ADD3: variants seen among roughly 807,000 people sequenced by gnomAD.
ADD3 encodes the protein gamma-adducin.
A neutral mutation model predicts 80.2 loss-of-function variants in ADD3; 25 were observed. That is an observed-to-expected ratio of 0.31 (90% confidence interval 0.23 to 0.44). ADD3 has a LOEUF of 0.44. Ranked by LOEUF, ADD3 falls within the 20% of genes least tolerant of loss-of-function variation. The pLI is 1.00. For synonymous variants in ADD3, 284 were observed against 289.6 expected (o/e 0.98, Z 0.20); for missense variants, 829 against 847.5 (o/e 0.98, Z 0.27).
chr10:110,010,735 C>A (rs1212718686), intron 1 of ADD3, among the ~76,000 whole-genome samples: 1 of 152,184 alleles, frequency 6.6e-6, no homozygotes, highest in East Asian at 1.9e-4. Flanking sequence ...GGTTAAGTAT[C>A]TTCCCAAGGT....
intron 1 of ADD3, among the ~76,000 whole-genome samples, chr10:110,079,741 A>G (rs1051831599): frequency 1.1e-4 from 16 of 152,018 alleles, no homozygotes; most frequent in African/African-American, 3.4e-4. Context: ...GGGTTTCACC[A>G]TGTTGGCCGG....
At chr10:110,101,657 C>G (rs1355132811) in intron 2 of ADD3, among the ~76,000 whole-genome samples, 2 of 148,324 alleles carry the variant, frequency 1.3e-5, no homozygotes, top group African/African-American at 5.0e-5. Context: ...AAAAAAAATT[C>G]AACTCAAGTG....
intron 1 of ADD3, among the ~76,000 whole-genome samples, chr10:110,095,575 C>T (rs569431579): frequency 2.2e-4 from 34 of 152,292 alleles, no homozygotes; most frequent in African/African-American, 7.7e-4. Flanking sequence ...TAATATTCCA[C>T]TTTCTGGATT....
intron 1 of ADD3, among the ~76,000 whole-genome samples, chr10:110,042,466 G>A (rs1304505176): frequency 6.6e-6 from 1 of 151,960 alleles, no homozygotes; most frequent in African/African-American, 2.4e-5. Flanking sequence ...GTCTGGAAGT[G>A]TATGTTCAGT....
At chr10:110,040,954 GTCTCTCTCTGTC>G (rs372761618) in intron 1 of ADD3, among the ~76,000 whole-genome samples, 454 of 29,618 alleles carry the variant, frequency 0.015, 2 homozygotes, top group African/African-American at 0.026. Flanking sequence ...CGCTCTCTCT[GTCTCTCTCTGTC>G]TCTCTCTCTC....
intron 1 of ADD3, among the ~76,000 whole-genome samples, chr10:110,056,743 G>T (rs1429035214): frequency 6.6e-6 from 1 of 152,166 alleles, no homozygotes; most frequent in Non-Finnish European, 1.5e-5. Flanking sequence ...TATTGAATTT[G>T]AAACAATTGG....
chr10:110,076,406 T>C (rs192041825), intron 1 of ADD3, among the ~76,000 whole-genome samples: 250 of 152,314 alleles, frequency 1.6e-3, no homozygotes, highest in African/African-American at 5.3e-3. Context: ...TAAAGTATGG[T>C]ATGCATAATA....
chr10:110,039,149 C>T (rs968486468), intron 1 of ADD3, among the ~76,000 whole-genome samples: 2 of 152,140 alleles, frequency 1.3e-5, no homozygotes, highest in African/African-American at 4.8e-5. Context: ...TCTCCCTTAC[C>T]TTGCACATTG....
At chr10:110,083,498 A>T (rs1010829053) in intron 1 of ADD3, among the ~76,000 whole-genome samples, 2 of 151,864 alleles carry the variant, frequency 1.3e-5, no homozygotes, top group Non-Finnish European at 2.9e-5. Flanking sequence ...CCTGGGTGAC[A>T]GAGCAAGACT....
intron 1 of ADD3, among the ~76,000 whole-genome samples, chr10:110,037,792 C>T (rs1034820734): frequency 2.0e-5 from 3 of 151,514 alleles, no homozygotes; most frequent in African/African-American, 7.3e-5. Context: ...ACAGGCTGGG[C>T]GCTGTGGCTC....
intron 1 of ADD3, among the ~76,000 whole-genome samples, chr10:110,046,906 C>CTT (rs34491250): frequency 7.9e-5 from 12 of 151,544 alleles, no homozygotes; most frequent in Non-Finnish European, 1.0e-4. Flanking sequence ...TAATTTTGTC[C>CTT]TTTTTTTTGG....
upstream of ADD3, among the ~76,000 whole-genome samples, chr10:110,004,162 GAAGC>G (rs952519712): frequency 8.6e-5 from 13 of 151,748 alleles, no homozygotes; most frequent in Admixed American, 5.9e-4. Context: ...TCCTTGCAGA[GAAGC>G]AAGGAAAACA....
chr10:110,006,784 G>A (rs1851669159), upstream of ADD3, among the ~76,000 whole-genome samples: 1 of 151,716 alleles, frequency 6.6e-6, no homozygotes, highest in African/African-American at 2.4e-5. Flanking sequence ...ATGGCGTGAG[G>A]TATTTGAGGG....
intron 1 of ADD3, among the ~76,000 whole-genome samples, chr10:110,082,360 GGCTTA>G (rs1417788167): frequency 6.6e-6 from 1 of 152,114 alleles, no homozygotes; most frequent in Non-Finnish European, 1.5e-5. Flanking sequence ...ACCTTTTGCA[GGCTTA>G]GCTTACTCTA....
intron 1 of ADD3, among the ~76,000 whole-genome samples, chr10:110,100,214 G>A (rs1242896843): frequency 6.6e-6 from 1 of 152,124 alleles, no homozygotes; most frequent in Non-Finnish European, 1.5e-5. Context: ...GCTGGGCATG[G>A]TGGCACGCGC....
intron 1 of ADD3, among the ~76,000 whole-genome samples, chr10:110,050,795 G>A (rs915063330): frequency 8.5e-5 from 13 of 152,130 alleles, no homozygotes; most frequent in African/African-American, 2.9e-4. Context: ...TTACAGGCAG[G>A]AGCCACCGTG....
chr10:110,132,031 A>G (rs372193600), intron 13 of ADD3, among the ~76,000 whole-genome samples: 2 of 152,196 alleles, frequency 1.3e-5, no homozygotes, highest in Non-Finnish European at 2.9e-5. Flanking sequence ...CAAGAGCTAC[A>G]TGCAACATAT....
rs776248864 is a variant in ADD3, at chr10:110,116,365, T to C, written c.441T>C (p.Leu147=). ...GTAAACTTGCCAGCCTGTACAGACT[T>C]GTAGACTTGTTTGGATGGGCACACC... ...TRCKLASLYR[L]VDLFGWAHLA... Residue 147 remains leucine, a synonymous_variant, in exon 4 of 15, where the codon CTT becomes CTC. Coordinates refer to ENST00000356080, the MANE Select transcript of ADD3 (RefSeq NM_016824.5). The C allele has an allele frequency of 9.3e-6, 15 of 1,614,028 alleles. No homozygotes were observed. Among genetic ancestry groups the C allele is most frequent in the Admixed American group, 1.7e-5 (1 of 60,008 alleles).
intron 1 of ADD3, among the ~76,000 whole-genome samples, chr10:110,054,271 T>C (rs1415004930): frequency 1.3e-5 from 2 of 152,120 alleles, no homozygotes; most frequent in Non-Finnish European, 2.9e-5. Flanking sequence ...AGTATAAAGA[T>C]TAAGAGCCAT....
Sources: gnomAD v4.1 joint callset for allele counts (sites outside exome capture counted in the v4.1 genomes callset) on GRCh38, gnomAD v4.1.1 for gene constraint, MANE v1.5 for transcripts, NCBI Gene and HGNC (gene_info 2026-07-23, HGNC 2026-07-21) for gene names.